Variants in SEPTIN9 observed in about 807,000 individuals in gnomAD.
SEPTIN9 encodes septin 9, also known as septin-9.
A neutral mutation model predicts 56.6 loss-of-function variants in SEPTIN9; 13 were observed. The ratio of observed to expected loss-of-function variants is 0.23; its 90% CI spans 0.15 to 0.37. The LOEUF (loss-of-function observed/expected upper bound fraction) is 0.37, where lower values mean the gene tolerates loss of function less well. Ranked by LOEUF, SEPTIN9 falls within the 10% of genes least tolerant of loss-of-function variation. The pLI, the probability that SEPTIN9 is intolerant of heterozygous loss-of-function variation, is 1.00. For missense variants in SEPTIN9, 650 were observed against 823.1 expected, an observed-to-expected ratio of 0.79 and a Z score of 2.57; for synonymous variants, 332 against 334.1, an observed-to-expected ratio of 0.99 and a Z score of 0.07.
chr17:77,282,483 T>C (rs2031071757), intron 1 of SEPTIN9, among the ~76,000 whole-genome samples: 1 of 152,238 alleles, frequency 6.6e-6, no homozygotes, highest in Non-Finnish European at 1.5e-5. Flanking sequence ...TTAATTTTTA[T>C]TGATAGGAGA....
chr17:77,426,679 G>T (rs1479603652), intron 3 of SEPTIN9, among the ~76,000 whole-genome samples: 1 of 152,200 alleles, frequency 6.6e-6, no homozygotes, highest in Non-Finnish European at 1.5e-5. Flanking sequence ...CTGCCATCTT[G>T]GAGAGGCCTC....
rs1324986192 is a variant in SEPTIN9 at position 77,488,785 on chromosome 17, G to A, written c.1183G>A (p.Val395Ile). 5.0e-6 allele frequency: 8 copies of A among 1,613,932 alleles called. No homozygotes were observed. The Middle Eastern group carries it at 5.0e-4, about 100-fold the overall frequency. Residue 395 changes from valine (V) to isoleucine (I), a missense_variant, in exon 7 of 12, where the codon GTC becomes ATC. Physicochemically the swap from Val to Ile is conservative, Grantham distance 29 (BLOSUM62 3). Transcript: ENST00000427177. Reference protein sequence around the residue: ...DQYEKYLQEEVNINRKKRIPD... With the variant: ...DQYEKYLQEEININRKKRIPD... ...GTACGAGAAATACCTGCAGGAGGAG[G>A]TCAACATCAACCGCAAGAAGCGCAT...
chr17:77,381,989 A>G (rs1488254121), intron 2 of SEPTIN9, among the ~76,000 whole-genome samples: 2 of 152,086 alleles, frequency 1.3e-5, no homozygotes, highest in Non-Finnish European at 2.9e-5. Context: ...GATGCTGGCC[A>G]GCTTCTCTTG....
chr17:77,438,661 C>A (rs899318172), intron 3 of SEPTIN9, among the ~76,000 whole-genome samples: 3 of 152,224 alleles, frequency 2.0e-5, no homozygotes, highest in Non-Finnish European at 4.4e-5. Flanking sequence ...AACGCAGTCT[C>A]CCCTGCAGCC....
At chr17:77,374,961 G>A (rs1401969235) in intron 2 of SEPTIN9, 1 of 152,222 alleles carries the variant, frequency 6.6e-6, no homozygotes, top group East Asian at 1.9e-4. Context: ...CCCTTTTTCA[G>A]GCTCTATCCC....
chr17:77,390,939 C>T (rs1017934077), intron 2 of SEPTIN9, among the ~76,000 whole-genome samples: 1 of 152,176 alleles, frequency 6.6e-6, no homozygotes, highest in Non-Finnish European at 1.5e-5. Flanking sequence ...CTGGGTTTGT[C>T]CCAGGAAGGC....
chr17:77,336,811 T>C (rs1284212595), intron 2 of SEPTIN9, among the ~76,000 whole-genome samples: 1 of 152,200 alleles, frequency 6.6e-6, no homozygotes, highest in Non-Finnish European at 1.5e-5. Flanking sequence ...TAATGTTAAC[T>C]TTAGATTTGT....
intron 2 of SEPTIN9, among the ~76,000 whole-genome samples, chr17:77,345,240 T>TG (rs1598224403): frequency 6.6e-6 from 1 of 152,120 alleles, no homozygotes; most frequent in African/African-American, 2.4e-5. Context: ...ATGGTGGTGA[T>TG]GGTTACACAA....
chr17:77,486,123 G>T (rs932518538), intron 4 of SEPTIN9, among the ~76,000 whole-genome samples: 1 of 148,862 alleles, frequency 6.7e-6, no homozygotes, highest in Non-Finnish European at 1.5e-5. Flanking sequence ...GCCGATTTTT[G>T]TTTTTTTAAA....
At chr17:77,495,153 G>A (rs904905783) in intron 10 of SEPTIN9, among the ~76,000 whole-genome samples, 10 of 151,168 alleles carry the variant, frequency 6.6e-5, no homozygotes, top group Admixed American at 4.7e-4. Context: ...GCAGGTGGCC[G>A]GTGACAGAAA....
chr17:77,472,621 C>T (rs115598788), intron 3 of SEPTIN9: 2 of 152,224 alleles, frequency 1.3e-5, no homozygotes, highest in African/African-American at 2.4e-5. Context: ...AGCTCCAGCT[C>T]GGAGAAAAAT....
In SEPTIN9 at chr17:77,492,126, G is replaced by A. The variant is rs2040057505; in HGVS notation, c.1381-495G>A. Among the ~76,000 whole-genome samples, 1 of 152,220 alleles carries A rather than the reference G, an allele frequency of 6.6e-6. No homozygotes were observed. The highest frequency in any genetic ancestry group is 1.5e-5 in the Non-Finnish European group (1 of 68,046). On this transcript the variant is annotated intron_variant, in intron 8 of 11. Coordinates refer to ENST00000427177, the MANE Select transcript of SEPTIN9 (RefSeq NM_001113491.2). This position sits in a 1 kb window ranked among gnomAD's most constrained non-coding sequence, Gnocchi z 5.4. ...CAGTCCACACAAAGTGGGTGTGTCT[G>A]CCGGAGGCTACACACGGGCTGTGGT...
In SEPTIN9 at chr17:77,451,618, A is replaced by G. The variant is rs1026755260; in HGVS notation, c.722-30526A>G. ...GGCCGCGAGGCGGACCCTGATGGCC[A>G]TGGTGGCGGTGCCGGGAGCCACGCT... On this transcript the variant is annotated intron_variant, in intron 3 of 11. Coordinates refer to ENST00000427177, the MANE Select transcript of SEPTIN9 (RefSeq NM_001113491.2). The surrounding 1 kb of genome is among the most constrained non-coding windows in gnomAD (Gnocchi z 4.2). 6 of 924,860 alleles carry G rather than the reference A, an allele frequency of 6.5e-6. No individual in the cohort carries two copies. In the African/African-American group the frequency reaches 1.1e-4, roughly 17 times the overall value. 57.3% of individuals were successfully genotyped at this position (924,860 alleles called of 1,614,324 possible).
intron 2 of SEPTIN9, among the ~76,000 whole-genome samples, chr17:77,383,806 A>G (rs982254767): frequency 6.6e-6 from 1 of 152,186 alleles, no homozygotes; most frequent in Admixed American, 6.5e-5. Context: ...GCGATGGCCC[A>G]GCGTGCCGGC....
intron 2 of SEPTIN9, among the ~76,000 whole-genome samples, chr17:77,333,315 CTT>C (rs1396293194): frequency 6.6e-6 from 1 of 152,190 alleles, no homozygotes; most frequent in Non-Finnish European, 1.5e-5. Flanking sequence ...GGTTGCTTGA[CTT>C]TTTCTTCTGG....
intron 2 of SEPTIN9, among the ~76,000 whole-genome samples, chr17:77,383,177 C>CTTCT (rs766655122): frequency 0.09 from 2,639 of 29,464 alleles, 114 homozygotes; most frequent in East Asian, 0.46. Flanking sequence ...TCTCTCCCTC[C>CTTCT]CTCCTTCTCT....
chr17:77,343,003 GTCTATCTATCTATCTA>G (rs139340887), intron 2 of SEPTIN9, among the ~76,000 whole-genome samples: 8 of 147,254 alleles, frequency 5.4e-5, no homozygotes, highest in South Asian at 2.2e-4. Context: ...CTGTCTGTCT[GTCTATCTATCTATCTA>G]TCTATCTATC....
At chr17:77,300,770 A>G (rs1466483244) in intron 1 of SEPTIN9, among the ~76,000 whole-genome samples, 2 of 99,164 alleles carry the variant, frequency 2.0e-5, no homozygotes, top group Admixed American at 1.2e-4. Flanking sequence ...CCAGGCTCAA[A>G]GCGCCCCCAT....
At chr17:77,462,569 C>G (rs1164282001) in intron 3 of SEPTIN9, among the ~76,000 whole-genome samples, 1 of 152,246 alleles carries the variant, frequency 6.6e-6, no homozygotes, top group Non-Finnish European at 1.5e-5. Flanking sequence ...CAGGTGTGAG[C>G]CACTGTGCCC....
Sources: gnomAD v4.1 joint callset for allele counts (sites outside exome capture counted in the v4.1 genomes callset) on GRCh38, gnomAD v4.1.1 for gene constraint, Gnocchi (gnomAD v3.1) non-coding constraint, MANE v1.5 for transcripts, NCBI Gene and HGNC (gene_info 2026-07-23, HGNC 2026-07-21) for gene names.